The following DYDC2 variants were observed in gnomAD, a reference collection of about 807,000 sequenced individuals.
DYDC2 encodes DPY30 domain-containing protein 2.
A neutral mutation model predicts 18.7 loss-of-function variants in DYDC2; 19 were observed. The observed-to-expected ratio is 1.02, with a 90% CI of 0.71 to 1.49. DYDC2 has a LOEUF of 1.49. Among genes scored for constraint, DYDC2 ranks in the 40% most tolerant of loss-of-function variants. The pLI, the probability that DYDC2 is intolerant of heterozygous loss-of-function variation, is 0.00. For synonymous variants in DYDC2, 63 were observed against 67.6 expected, an observed-to-expected ratio of 0.93 and a Z score of 0.34; for missense variants, 179 against 205.1, an observed-to-expected ratio of 0.87 and a Z score of 0.78.
chr10:80,365,896 A>G (rs1279436168), intron 4 of DYDC2, among the ~76,000 whole-genome samples: 3 of 151,866 alleles, frequency 2.0e-5, no homozygotes, highest in African/African-American at 7.3e-5. Context: ...TATAATTCTC[A>G]TTTTCTCTGC....
At chr10:80,355,848 T>C (rs940938920), upstream of DYDC2, among the ~76,000 whole-genome samples, 1 of 152,152 alleles carries the variant, frequency 6.6e-6, no homozygotes, top group Non-Finnish European at 1.5e-5. Flanking sequence ...GAGGTTGATA[T>C]TGGTGTCTCA....
upstream of DYDC2, chr10:80,356,215 A>G: frequency 1.0e-6 from 1 of 978,180 alleles, no homozygotes; most frequent in Non-Finnish European, 1.2e-6. Flanking sequence ...GATAATACCC[A>G]TCTCTCCTGT....
chr10:80,347,484 T>C (rs1221343833), intron 1 of DYDC2, among the ~76,000 whole-genome samples: 1 of 152,196 alleles, frequency 6.6e-6, no homozygotes, highest in Non-Finnish European at 1.5e-5. Flanking sequence ...TTTGCTTTTA[T>C]TGCCTGTGCT....
intron 2 of DYDC2, among the ~76,000 whole-genome samples, chr10:80,358,485 G>T (rs565139106): frequency 5.3e-5 from 8 of 152,188 alleles, no homozygotes; most frequent in Non-Finnish European, 2.9e-5. Flanking sequence ...CGACTGTTGG[G>T]CAAACACATT....
At position 80,356,805 on chromosome 10, in the gene DYDC2, G is replaced by A. The variant is rs986344079; in HGVS notation, c.-183G>A. 5.1e-6 allele frequency: 5 copies of A among 985,686 alleles called. No individual in the cohort carries two copies. In the Admixed American group the frequency reaches 2.5e-4, roughly 48 times the overall value. The allele number at this position is 985,686 out of a possible 1,614,324, so 61.1% of individuals were successfully genotyped here. On this transcript the variant is annotated 5_prime_UTR_variant, in exon 1 of 5. Transcript: ENST00000256039. ...CAGGAGCCAGTGTAGGCGCCGCAAA[G>A]CGGAAGGGGCGCGCGGATAGGTGAG...
chr10:80,360,462 T>A (rs1363814935), intron 2 of DYDC2, among the ~76,000 whole-genome samples: 1 of 152,196 alleles, frequency 6.6e-6, no homozygotes. Flanking sequence ...ACATTGTTCC[T>A]ACTCAGATAA....
At chr10:80,359,433 C>T (rs1445832478) in intron 2 of DYDC2, among the ~76,000 whole-genome samples, 1 of 152,230 alleles carries the variant, frequency 6.6e-6, no homozygotes, top group African/African-American at 2.4e-5. Context: ...CAAATGGCTT[C>T]ACCTAGTGGA....
intron 1 of DYDC2, among the ~76,000 whole-genome samples, chr10:80,349,620 G>A (rs1842871328): frequency 6.6e-6 from 1 of 152,192 alleles, no homozygotes; most frequent in African/African-American, 2.4e-5. Context: ...CTGAAACGCA[G>A]AAACAGTTTC....
At chr10:80,358,095 G>A in intron 2 of DYDC2, 50 bp downstream of exon 2, 3 of 983,902 alleles carry the variant, frequency 3.0e-6, no homozygotes, top group Non-Finnish European at 3.6e-6. Flanking sequence ...GCATCCCCTT[G>A]GCCAGGCGCG....
At position 80,367,072 on chromosome 10, in the gene DYDC2, C is replaced by T. The variant is rs2132909033; in HGVS notation, c.*121C>T. The T allele has an allele frequency of 8.2e-7, 1 of 1,221,046 alleles. No homozygotes were observed. The highest frequency in any genetic ancestry group is 1.5e-5 in the African/African-American group (1 of 65,978). 75.6% of individuals were successfully genotyped at this position (1,221,046 alleles called of 1,614,324 possible). A position where few individuals can be genotyped will look rare whatever the true frequency, so the allele number is the denominator to read the frequency against. On this transcript the variant is annotated 3_prime_UTR_variant, in exon 5 of 5. Coordinates refer to ENST00000256039, the MANE Select transcript of DYDC2 (RefSeq NM_032372.6). ...AAGTTCAGGGACTCTCCAGCCTACTCCTTTTCTGAAAAACCCTTAATCATG... is the reference window on the plus strand; with the variant it reads ...AAGTTCAGGGACTCTCCAGCCTACTTCTTTTCTGAAAAACCCTTAATCATG...
At chr10:80,349,180 C>T (rs4934081) in intron 1 of DYDC2, among the ~76,000 whole-genome samples, 53,209 of 152,138 alleles carry the variant, frequency 0.35, 10,506 homozygotes, top group East Asian at 0.8. Flanking sequence ...CGTGAGCCAC[C>T]GCGCCCGGCC....
At chr10:80,349,677 C>T (rs1842874829) in intron 1 of DYDC2, among the ~76,000 whole-genome samples, 4 of 152,140 alleles carry the variant, frequency 2.6e-5, no homozygotes. Flanking sequence ...ACTCCAATCT[C>T]TCAACAATAA....
chr10:80,349,917 C>T (rs1342343850), intron 1 of DYDC2, among the ~76,000 whole-genome samples: 2 of 152,158 alleles, frequency 1.3e-5, no homozygotes, highest in African/African-American at 2.4e-5. Context: ...GTGGAGAGTG[C>T]CTAAAATATC....
intron 4 of DYDC2, among the ~76,000 whole-genome samples, chr10:80,365,318 T>C (rs1359353846): frequency 6.6e-6 from 1 of 152,134 alleles, no homozygotes; most frequent in African/African-American, 2.4e-5. Flanking sequence ...AAAGTATCCA[T>C]AGAGGAGGTA....
intron 2 of DYDC2, among the ~76,000 whole-genome samples, chr10:80,359,495 C>G (rs1247597554): frequency 6.6e-6 from 1 of 152,190 alleles, no homozygotes; most frequent in Non-Finnish European, 1.5e-5. Context: ...CGTAGTGTGC[C>G]CGCACTCCTC....
upstream of DYDC2, chr10:80,356,183 ATGTTCCTGTC>A (rs754811022): frequency 1.2e-4 from 116 of 936,864 alleles, no homozygotes; most frequent in Non-Finnish European, 1.4e-4. Flanking sequence ...CTCCCTTAGC[ATGTTCCTGTC>A]TGTGAAACGA....
chr10:80,347,552 A>T (rs1480249141), intron 1 of DYDC2, among the ~76,000 whole-genome samples: 1 of 152,042 alleles, frequency 6.6e-6, no homozygotes, highest in Non-Finnish European at 1.5e-5. Context: ...CTTTTTCTAC[A>T]TTATGTTTTC....
At position 80,356,836 on chromosome 10, in the gene DYDC2, G is replaced by A; in HGVS notation, c.-163+11G>A. The A allele has an allele frequency of 2.0e-6, 2 of 985,466 alleles. No homozygotes were observed. The highest frequency in any genetic ancestry group is 4.7e-5 in the South Asian group (1 of 21,268). The allele number at this position is 985,466 out of a possible 1,614,324, so 61.0% of individuals were successfully genotyped here. A position where few individuals can be genotyped will look rare whatever the true frequency, so the allele number is the denominator to read the frequency against. On this transcript the variant is annotated intron_variant, in intron 1 of 4. Coordinates refer to ENST00000256039, the MANE Select transcript of DYDC2 (RefSeq NM_032372.6). ...GGGGCGCGCGGATAGGTGAGCAGAG[G>A]GCACGCGGTGGGCAGCGAAGGGGGA...
chr10:80,354,122 A>T (rs1406261134), upstream of DYDC2, among the ~76,000 whole-genome samples: 1 of 118,850 alleles, frequency 8.4e-6, no homozygotes, highest in African/African-American at 2.7e-5. Context: ...TCTCATATAT[A>T]AAAAAAAATA....
Sources: gnomAD v4.1 joint callset for allele counts (sites outside exome capture counted in the v4.1 genomes callset) on GRCh38, gnomAD v4.1.1 for gene constraint, MANE v1.5 for transcripts, NCBI Gene and HGNC (gene_info 2026-07-23, HGNC 2026-07-21) for gene names.